The following STYXL2 variants were observed in gnomAD, a reference collection of about 807,000 sequenced individuals.
The protein encoded by STYXL2 is serine/threonine/tyrosine interacting like 2, also known as serine/threonine/tyrosine-interacting-like protein 2.
A neutral mutation model predicts 52.4 loss-of-function variants in STYXL2; 44 were observed. That is an observed-to-expected ratio of 0.84 (90% CI 0.66 to 1.08). The LOEUF is 1.08. Among genes scored for constraint, STYXL2 ranks in the 50% least tolerant of loss-of-function variants. The pLI is 0.00. For synonymous variants in STYXL2, 604 were observed against 586.9 expected (o/e 1.03, Z -0.42); for missense variants, 1,604 against 1,471.7 (o/e 1.09, Z -1.47).
At chr1:167,106,061 C>G (rs1667502374) in intron 2 of STYXL2, among the ~76,000 whole-genome samples, 1 of 152,230 alleles carries the variant, frequency 6.6e-6, no homozygotes, top group Non-Finnish European at 1.5e-5. Flanking sequence ...TTTCTCTTTT[C>G]AAATTCTCCC....
At position 167,094,973 on chromosome 1, in the gene STYXL2, T is replaced by G; in HGVS notation, c.110+14T>G. The G allele has an allele frequency of 6.3e-7, 1 of 1,578,052 alleles. No individual in the cohort carries two copies. The highest frequency in any genetic ancestry group is 8.6e-7 in the Non-Finnish European group (1 of 1,158,424). On this transcript the variant is annotated intron_variant, in intron 2 of 5. Coordinates refer to ENST00000361200, the MANE Select transcript of STYXL2 (RefSeq NM_001080426.3). ...CTCCCCTAGCCAGTAAGTGACCACT[T>G]ATCTCCCACCCTCACAGCCCCAGCT...
Position 167,128,283 on chromosome 1 carries a change from G to T in STYXL2, c.3152G>T (p.Arg1051Met). Residue 1051 changes from arginine to methionine, a missense_variant, in exon 6 of 6, where the codon AGG becomes ATG. Transcript: ENST00000361200. ...FFRRTPESSE[R>M]EESPEPQRPN... is the part of the protein sequence containing the mutation. ...CGCCGGACCCCAGAGTCCTCAGAAA[G>T]GGAAGAGTCCCCAGAACCACAGCGC... is the stretch of plus-strand genomic sequence containing the variant. 6.2e-7 allele frequency: 1 copy of T among 1,614,190 alleles called. No homozygotes were observed. Among genetic ancestry groups the T allele is most frequent in the Non-Finnish European group, 8.5e-7 (1 of 1,180,024 alleles).
Position 167,126,376 on chromosome 1 carries a change from G to C in STYXL2, c.1245G>C (p.Glu415Asp). Residue 415 changes from glutamate to aspartate, a missense_variant, in exon 6 of 6, where the codon GAG (glutamate) becomes GAC (aspartate). By Grantham distance (45) the Glu-to-Asp change is conservative. Transcript: ENST00000361200. ...AEGYRRWGRE[E>D]EKEEESDAGS... ...GGTACCGGAGGTGGGGAAGGGAGGA[G>C]GAGAAGGAGGAGGAGAGCGACGCTG... 1 of 1,549,486 alleles carries C rather than the reference G, an allele frequency of 6.5e-7. No homozygotes were observed. The highest frequency in any genetic ancestry group is 8.7e-7 in the Non-Finnish European group (1 of 1,146,378).
intron 4 of STYXL2, 59 bp downstream of exon 4, chr1:167,117,618 A>G: frequency 2.7e-6 from 4 of 1,465,748 alleles, no homozygotes; most frequent in Non-Finnish European, 2.8e-6. Flanking sequence ...TGCCTGAGAC[A>G]GACGAAACTC....
chr1:167,111,513 T>TATATATACAC (rs1211215448), intron 2 of STYXL2, among the ~76,000 whole-genome samples: 97 of 49,988 alleles, frequency 1.9e-3, no homozygotes, highest in African/African-American at 4.0e-3. Context: ...TATATATATA[T>TATATATACAC]ACACACACAC....
At position 167,128,106 on chromosome 1, in the gene STYXL2, C is replaced by T; in HGVS notation, c.2975C>T (p.Ser992Phe). The T allele has an allele frequency of 6.2e-7, 1 of 1,614,218 alleles. No homozygotes were observed. The highest frequency in any genetic ancestry group is 8.5e-7 in the Non-Finnish European group (1 of 1,180,040). The change falls in exon 6 of 6, where the codon TCC (serine) becomes TTC (phenylalanine). Residue 992 changes from serine to phenylalanine, a missense_variant. By Grantham distance (155) the Ser-to-Phe change is radical. Coordinates refer to ENST00000361200, the MANE Select transcript of STYXL2 (RefSeq NM_001080426.3). ...KSQSEEQDTSSYHEANGNSVR... is the reference protein window; with the variant it reads ...KSQSEEQDTSFYHEANGNSVR... The stretch of plus-strand genomic sequence containing the variant: ...CAGTCAGAGGAACAGGACACCTCCT[C>T]CTACCACGAGGCAAATGGCAACTCT...
At chr1:167,104,688 T>G (rs182072328) in intron 2 of STYXL2, among the ~76,000 whole-genome samples, 1 of 152,240 alleles carries the variant, frequency 6.6e-6, no homozygotes, top group Non-Finnish European at 1.5e-5. Flanking sequence ...CTGACTTCTC[T>G]TCTTCCTTAG....
intron 5 of STYXL2, 72 bp from the exon 6 acceptor site, chr1:167,125,715 A>AAAAC (rs1171726612): frequency 1.3e-6 from 2 of 1,495,248 alleles, no homozygotes; most frequent in Non-Finnish European, 1.8e-6. Context: ...CTTACCAAAG[A>AAAAC]AAACAAACAA....
intron 2 of STYXL2, among the ~76,000 whole-genome samples, chr1:167,095,251 G>A (rs1667259980): frequency 6.6e-6 from 1 of 150,586 alleles, no homozygotes; most frequent in African/African-American, 2.5e-5. Context: ...GGCTTGGCTG[G>A]AAGAGATGAT....
intron 2 of STYXL2, among the ~76,000 whole-genome samples, chr1:167,111,520 AC>A (rs1293413050): frequency 9.5e-6 from 1 of 105,204 alleles, no homozygotes; most frequent in Non-Finnish European, 2.2e-5. Flanking sequence ...ATATACACAC[AC>A]ACACACACAA....
At chr1:167,102,977 C>T (rs1400062216) in intron 2 of STYXL2, among the ~76,000 whole-genome samples, 1 of 105,566 alleles carries the variant, frequency 9.5e-6, no homozygotes, top group Non-Finnish European at 2.3e-5. Flanking sequence ...TATTTTCTCA[C>T]ATATTGGAAG....
At chr1:167,104,726 T>C (rs1667476277) in intron 2 of STYXL2, among the ~76,000 whole-genome samples, 1 of 152,224 alleles carries the variant, frequency 6.6e-6, no homozygotes, top group South Asian at 2.1e-4. Flanking sequence ...TGTGTAGTCA[T>C]TTTCTCTGAA....
chr1:167,122,924 C>T (rs1667888834), intron 5 of STYXL2, among the ~76,000 whole-genome samples: 1 of 152,184 alleles, frequency 6.6e-6, no homozygotes, highest in South Asian at 2.1e-4. Flanking sequence ...CCTCGGCCTC[C>T]CAGGGTACTG....
rs1313680480 is a variant in STYXL2 at position 167,126,108 on chromosome 1, G to T, written c.977G>T (p.Gly326Val). Reference protein sequence around the residue: ...EEDDSASHLSGSSLGKATQAS... With the variant: ...EEDDSASHLSVSSLGKATQAS... ...GACGACAGCGCCAGCCACCTGAGTG[G>T]CTCCTCCCTGGGGAAGGCCACCCAG... Residue 326 changes from glycine to valine, a missense_variant, in exon 6 of 6, where the codon GGC becomes GTC. Gly to Val is a moderately radical substitution (Grantham distance 109). Transcript: ENST00000361200. 1.3e-6 allele frequency: 2 copies of T among 1,516,916 alleles called. No homozygotes were observed. The highest frequency in any genetic ancestry group is 1.8e-6 in the Non-Finnish European group (2 of 1,135,148). The allele number at this position is 1,516,916 out of a possible 1,614,324, so 94.0% of individuals were successfully genotyped here.
At chr1:167,116,066 T>C (rs973469029) in intron 3 of STYXL2, among the ~76,000 whole-genome samples, 2 of 152,134 alleles carry the variant, frequency 1.3e-5, no homozygotes, top group African/African-American at 2.4e-5. Flanking sequence ...AGGGAAGAGA[T>C]GGTGCCATCA....
At chr1:167,097,260 G>A (rs1667305688) in intron 2 of STYXL2, among the ~76,000 whole-genome samples, 1 of 152,298 alleles carries the variant, frequency 6.6e-6, no homozygotes, top group African/African-American at 2.4e-5. Flanking sequence ...TGGTGGCTCT[G>A]GGACTGTTTT....
rs778873469 is a variant in STYXL2, at chr1:167,126,461, A to G, written c.1330A>G (p.Ser444Gly). 2 of 1,592,374 alleles carry G rather than the reference A, an allele frequency of 1.3e-6. No homozygotes were observed. Among genetic ancestry groups the G allele is most frequent in the East Asian group, 2.3e-5 (1 of 43,948 alleles). The change falls in exon 6 of 6, where the codon AGC becomes GGC. Residue 444 changes from serine to glycine, a missense_variant. Ser to Gly is a moderately conservative substitution (Grantham distance 56). Transcript: ENST00000361200. Reference sequence around the variant, plus strand: ...CGAGAGCAGCGCCTGGGAGAGCGTGAGCAGCCACGACATCTGGGTCCTGAA... The same window carrying G: ...CGAGAGCAGCGCCTGGGAGAGCGTGGGCAGCCACGACATCTGGGTCCTGAA... ...LSESSAWESV[S>G]SHDIWVLKQQ...
chr1:167,105,907 C>T (rs1241236438), intron 2 of STYXL2, among the ~76,000 whole-genome samples: 2 of 152,130 alleles, frequency 1.3e-5, no homozygotes, highest in East Asian at 1.9e-4. Flanking sequence ...GTTCTTCATC[C>T]CCCCTCTTTT....
chr1:167,094,755 C>T, intron 1 of STYXL2, 79 bp from the exon 2 acceptor site: 1 of 947,930 alleles, frequency 1.1e-6, no homozygotes, highest in South Asian at 1.5e-5. Flanking sequence ...ACTGAGGTGA[C>T]ATCACCAACA....
Sources: gnomAD v4.1 joint callset for allele counts (sites outside exome capture counted in the v4.1 genomes callset) on GRCh38, gnomAD v4.1.1 for gene constraint, MANE v1.5 for transcripts, NCBI Gene and HGNC (gene_info 2026-07-23, HGNC 2026-07-21) for gene names.